The following PPP1R12B variants were observed in gnomAD, a reference collection of about 807,000 sequenced individuals.
The protein encoded by PPP1R12B is protein phosphatase 1 regulatory subunit 12B.
In PPP1R12B, 76 loss-of-function variants were observed where a neutral mutation model predicts 126.1. That is an observed-to-expected ratio of 0.60 (90% CI 0.50 to 0.73). The LOEUF is 0.73. PPP1R12B is among the 30% of genes least tolerant of loss of function. PPP1R12B has a pLI of 0.00. For missense variants in PPP1R12B, 1,052 were observed against 1,205.1 expected, an observed-to-expected ratio of 0.87 and a Z score of 1.88; for synonymous variants, 356 against 434.7, an observed-to-expected ratio of 0.82 and a Z score of 2.25.
intron 1 of PPP1R12B, among the ~76,000 whole-genome samples, chr1:202,374,809 G>T (rs1660897267): frequency 6.6e-6 from 1 of 152,112 alleles, no homozygotes; most frequent in South Asian, 2.1e-4. Flanking sequence ...CTCCCAAAGT[G>T]CTAGGATTAC....
chr1:202,496,693 G>A, intron 17 of PPP1R12B, 88 bp from the exon 18 acceptor site: 1 of 1,155,712 alleles, frequency 8.7e-7, no homozygotes, highest in Non-Finnish European at 1.3e-6. Flanking sequence ...GAAATGCCAA[G>A]ATGCATAATT....
At chr1:202,575,376 A>G (rs896186181) in intron 23 of PPP1R12B, 1 of 491,294 alleles carries the variant, frequency 2.0e-6, no homozygotes, top group East Asian at 3.2e-5. Context: ...CAATATATTC[A>G]TTTGGTAAGG....
intron 1 of PPP1R12B, among the ~76,000 whole-genome samples, chr1:202,414,139 C>T (rs1402141421): frequency 7.2e-5 from 11 of 152,190 alleles, no homozygotes; most frequent in Non-Finnish European, 1.6e-4. Context: ...CTAGGCTGGT[C>T]TCAAACTCCT....
chr1:202,491,172 C>T (rs1368876430), intron 14 of PPP1R12B, among the ~76,000 whole-genome samples: 1 of 151,988 alleles, frequency 6.6e-6, no homozygotes, highest in Non-Finnish European at 1.5e-5. Context: ...TCACGCAGGC[C>T]GGGGTGCAAT....
Position 202,564,470 on chromosome 1 carries a change from CA to C in PPP1R12B, c.2685del (p.Lys895AsnfsTer2), listed in dbSNP as rs1687866490. The stretch of plus-strand genomic sequence containing the variant: ...CTATGAGAGTGCTCTGACTGAAAAC[CA>C]AAAACTGAAAACAAAACTTCAGGAA... ...KLYESALTENQKLKTKLQEAQ... is the reference protein window; with the variant it reads ...KLYESALTENXKLKTKLQEAQ... On this transcript the variant is annotated frameshift_variant, in exon 21 of 24. Coordinates refer to ENST00000608999, the MANE Select transcript of PPP1R12B (RefSeq NM_002481.4). LOFTEE classifies it high-confidence loss of function. The C allele has an allele frequency of 1.9e-6, 3 of 1,612,070 alleles. No homozygotes were observed.
In PPP1R12B at chr1:202,377,996, G is replaced by T. The variant is rs1282501663; in HGVS notation, c.291+28854G>T. Among the ~76,000 whole-genome samples, 15 of 151,278 alleles carry T rather than the reference G, an allele frequency of 9.9e-5. No individual in the cohort carries two copies. The East Asian group carries it at 2.4e-3, about 24-fold the overall frequency. The stretch of plus-strand genomic sequence containing the variant: ...TGGGACTACAGGCGCCCGCCACCTC[G>T]CCCGGCTAATTTTTTGTATTTTTAG... On this transcript the variant is annotated intron_variant, in intron 1 of 23. Coordinates refer to ENST00000608999, the MANE Select transcript of PPP1R12B (RefSeq NM_002481.4).
chr1:202,389,224 A>G (rs2148515693), intron 1 of PPP1R12B, among the ~76,000 whole-genome samples: 1 of 152,342 alleles, frequency 6.6e-6, no homozygotes, highest in Non-Finnish European at 1.5e-5. Context: ...AGTAAAATGA[A>G]ACTCAGAACT....
chr1:202,472,297 T>A (rs768749431), intron 13 of PPP1R12B, among the ~76,000 whole-genome samples: 2 of 152,254 alleles, frequency 1.3e-5, no homozygotes, highest in Non-Finnish European at 2.9e-5. Context: ...TATAGGTTAT[T>A]TCCATATACA....
At chr1:202,361,194 C>T (rs1425311142) in intron 1 of PPP1R12B, among the ~76,000 whole-genome samples, 1 of 152,142 alleles carries the variant, frequency 6.6e-6, no homozygotes, top group Non-Finnish European at 1.5e-5. Flanking sequence ...CTCCCGGCCT[C>T]CATTAACTCT....
At chr1:202,440,885 G>A (rs907816252) in intron 11 of PPP1R12B, 97 bp downstream of exon 11, 2 of 973,460 alleles carry the variant, frequency 2.1e-6, no homozygotes, top group African/African-American at 1.6e-5. Context: ...TTTCCCTCAG[G>A]TGTCCTTACC....
chr1:202,461,316 T>C (rs546721211), intron 13 of PPP1R12B, among the ~76,000 whole-genome samples: 1 of 152,254 alleles, frequency 6.6e-6, no homozygotes, highest in Non-Finnish European at 1.5e-5. Context: ...TTACCTTGTT[T>C]GCATGTATTT....
chr1:202,425,936 T>A (rs1448289207), intron 4 of PPP1R12B, among the ~76,000 whole-genome samples: 1 of 152,218 alleles, frequency 6.6e-6, no homozygotes, highest in African/African-American at 2.4e-5. Context: ...CTCACTAACA[T>A]GTATGATGTG....
intron 1 of PPP1R12B, among the ~76,000 whole-genome samples, chr1:202,413,719 TA>T (rs1355756278): frequency 3.3e-5 from 5 of 152,188 alleles, no homozygotes; most frequent in African/African-American, 1.2e-4. Context: ...ATATTTTAAT[TA>T]AAAATAGTGA....
chr1:202,360,551 A>G (rs960836454), intron 1 of PPP1R12B, among the ~76,000 whole-genome samples: 1 of 152,054 alleles, frequency 6.6e-6, no homozygotes, highest in African/African-American at 2.4e-5. Context: ...TCTACCAAAA[A>G]TAAAAAATTT....
chr1:202,357,339 T>C (rs1424086605), intron 1 of PPP1R12B, among the ~76,000 whole-genome samples: 3 of 152,132 alleles, frequency 2.0e-5, no homozygotes, highest in African/African-American at 7.2e-5. Flanking sequence ...AAAAAGACTG[T>C]TGGATTTGGT....
At chr1:202,380,124 T>G (rs1661995423) in intron 1 of PPP1R12B, among the ~76,000 whole-genome samples, 1 of 150,876 alleles carries the variant, frequency 6.6e-6, no homozygotes, top group African/African-American at 2.5e-5. Context: ...TTCATACCGT[T>G]CTCTTTGCTT....
chr1:202,564,064 G>C (rs907036385), intron 20 of PPP1R12B, among the ~76,000 whole-genome samples: 2 of 152,150 alleles, frequency 1.3e-5, no homozygotes, highest in Admixed American at 1.3e-4. Flanking sequence ...TGTCTCCAAA[G>C]GGAATAAAGA....
chr1:202,470,488 A>G (rs953536910), intron 13 of PPP1R12B, among the ~76,000 whole-genome samples: 16 of 152,234 alleles, frequency 1.1e-4, no homozygotes, highest in Non-Finnish European at 2.4e-4. Flanking sequence ...CAGTAACTGT[A>G]TTTTAAATAG....
At chr1:202,423,738 C>T (rs947755165) in intron 3 of PPP1R12B, among the ~76,000 whole-genome samples, 4 of 152,250 alleles carry the variant, frequency 2.6e-5, no homozygotes, top group African/African-American at 7.2e-5. Context: ...GGCTGGAGTG[C>T]AGTGGTGCCG....
Sources: gnomAD v4.1 joint callset for allele counts (sites outside exome capture counted in the v4.1 genomes callset) on GRCh38, gnomAD v4.1.1 for gene constraint, MANE v1.5 for transcripts, NCBI Gene and HGNC (gene_info 2026-07-23, HGNC 2026-07-21) for gene names.